FNDC3A: variants seen among roughly 807,000 people sequenced by gnomAD.
The protein encoded by FNDC3A is fibronectin type-III domain-containing protein 3A.
FNDC3A carries 32 observed loss-of-function variants against 148.9 expected under a neutral mutation model. The observed-to-expected ratio is 0.21, with a 90% CI of 0.16 to 0.29. FNDC3A has a LOEUF of 0.29. Ranked by LOEUF, FNDC3A falls within the 10% of genes least tolerant of loss-of-function variation. The pLI, the probability that FNDC3A is intolerant of heterozygous loss-of-function variation, is 1.00. For missense variants in FNDC3A, 1,191 were observed against 1,452.8 expected, an observed-to-expected ratio of 0.82 and a Z score of 2.93; for synonymous variants, 472 against 473.6, an observed-to-expected ratio of 1.00 and a Z score of 0.04.
In FNDC3A at chr13:49,174,516, G is replaced by A. The variant is rs1243942132; in HGVS notation, c.1312G>A (p.Gly438Ser). 6.2e-7 allele frequency: 1 copy of A among 1,612,394 alleles called. No individual in the cohort carries two copies. Among genetic ancestry groups the A allele is most frequent in the Non-Finnish European group, 8.5e-7 (1 of 1,178,828 alleles). Residue 438 changes from glycine to serine, a missense_variant, in exon 12 of 26, where the codon GGC (glycine) becomes AGC (serine). Gly to Ser is a moderately conservative substitution (Grantham distance 56, BLOSUM62 0). Transcript: ENST00000492622. ...AATTACTAAACTTTCACCAGCAATG[G>A]GCTGTAAATTCAGACTATCGGCCAG... The part of the protein sequence containing the change: ...FKITKLSPAM[G>S]CKFRLSARND...
At chr13:49,147,287 G>C (rs1042851054) in intron 8 of FNDC3A, among the ~76,000 whole-genome samples, 1 of 152,096 alleles carries the variant, frequency 6.6e-6, no homozygotes, top group Non-Finnish European at 1.5e-5. Context: ...GAGCACGAGG[G>C]GGGCATTAGT....
At chr13:49,069,657 AAC>A (rs1236354053) in intron 2 of FNDC3A, among the ~76,000 whole-genome samples, 2 of 152,228 alleles carry the variant, frequency 1.3e-5, no homozygotes, top group Non-Finnish European at 2.9e-5. Flanking sequence ...GTGCTCAGGT[AAC>A]AGACTAATTT....
At chr13:49,111,753 G>A (rs4530025) in intron 3 of FNDC3A, among the ~76,000 whole-genome samples, 1 of 150,970 alleles carries the variant, frequency 6.6e-6, no homozygotes, top group Non-Finnish European at 1.5e-5. Context: ...ATCTAACCAT[G>A]TACAATTTCT....
chr13:49,013,522 G>A (rs1952408280), intron 2 of FNDC3A, among the ~76,000 whole-genome samples: 1 of 151,418 alleles, frequency 6.6e-6, no homozygotes, highest in Admixed American at 6.6e-5. Flanking sequence ...ATGTACACGT[G>A]TATACATGTA....
intron 2 of FNDC3A, among the ~76,000 whole-genome samples, chr13:49,050,758 T>C (rs1875776789): frequency 1.3e-5 from 2 of 152,230 alleles, no homozygotes; most frequent in African/African-American, 4.8e-5. Context: ...TTCTCCACTA[T>C]TACTGTGTTG....
chr13:48,988,653 G>T (rs1454997805), intron 1 of FNDC3A, among the ~76,000 whole-genome samples: 1 of 151,822 alleles, frequency 6.6e-6, no homozygotes, highest in Admixed American at 6.6e-5. Flanking sequence ...ACCAGCCTGA[G>T]CAACATAGCA....
At chr13:49,029,258 A>G (rs987397629) in intron 2 of FNDC3A, among the ~76,000 whole-genome samples, 2 of 152,248 alleles carry the variant, frequency 1.3e-5, no homozygotes, top group African/African-American at 2.4e-5. Context: ...TTAGAAATCA[A>G]TAACAGAGAA....
intron 3 of FNDC3A, among the ~76,000 whole-genome samples, chr13:49,099,671 CA>C (rs1879743018): frequency 6.6e-6 from 1 of 151,954 alleles, no homozygotes; most frequent in Non-Finnish European, 1.5e-5. Context: ...AGCTCAAAAA[CA>C]AGGTCTAAAT....
intron 1 of FNDC3A, among the ~76,000 whole-genome samples, chr13:48,986,095 T>G (rs1222621969): frequency 6.6e-6 from 1 of 152,148 alleles, no homozygotes; most frequent in Non-Finnish European, 1.5e-5. Context: ...TGTGTTAAAG[T>G]GGGTTAAAGA....
chr13:48,996,955 C>T (rs544382433), intron 1 of FNDC3A, among the ~76,000 whole-genome samples: 10 of 151,760 alleles, frequency 6.6e-5, no homozygotes, highest in African/African-American at 1.9e-4. Context: ...CCCAGCTACT[C>T]GGGAGGGTGA....
intron 3 of FNDC3A, among the ~76,000 whole-genome samples, chr13:49,079,607 C>G (rs1406457704): frequency 6.6e-6 from 1 of 152,150 alleles, no homozygotes; most frequent in Non-Finnish European, 1.5e-5. Context: ...ATTGGAATTG[C>G]TAAAAAGTTG....
intron 14 of FNDC3A, among the ~76,000 whole-genome samples, chr13:49,181,508 C>T (rs556527647): frequency 3.3e-4 from 50 of 151,952 alleles, no homozygotes; most frequent in Non-Finnish European, 6.3e-4. Flanking sequence ...AACAACTGAT[C>T]TAGAGGAGGA....
At chr13:49,070,668 A>G (rs1877595862) in intron 2 of FNDC3A, among the ~76,000 whole-genome samples, 1 of 152,084 alleles carries the variant, frequency 6.6e-6, no homozygotes, top group Non-Finnish European at 1.5e-5. Flanking sequence ...TTCTAACTGT[A>G]ATTTTGTACC....
Position 49,136,512 on chromosome 13 carries a change from G to A in FNDC3A, c.671G>A (p.Gly224Glu). The part of the protein sequence containing the change: ...PINEHNGLIK[G>E]QIAGGINTGS... ...AATGAACATAATGGACTTATAAAAG[G>A]ACAAATTGCTGGTGGTATAAACACA... Residue 224 changes from glycine to glutamate, a missense_variant, in exon 6 of 26, where the codon GGA becomes GAA. Physicochemically the swap from Gly to Glu is moderately conservative, Grantham distance 98. This residue lies in a region of FNDC3A where 426 missense variants were observed against 473.2 expected (regional missense o/e 0.90). Transcript: ENST00000492622. 1 of 1,614,028 alleles carries A rather than the reference G, an allele frequency of 6.2e-7. No homozygotes were observed. Among genetic ancestry groups the A allele is most frequent in the South Asian group, 1.1e-5 (1 of 91,086 alleles).
chr13:49,183,140 A>G (rs973986041), intron 14 of FNDC3A, among the ~76,000 whole-genome samples: 2 of 151,944 alleles, frequency 1.3e-5, no homozygotes, highest in Non-Finnish European at 2.9e-5. Context: ...CAGATTAACT[A>G]CTCATCTCTC....
chr13:49,031,792 A>G (rs1481976395), intron 2 of FNDC3A, among the ~76,000 whole-genome samples: 1 of 152,182 alleles, frequency 6.6e-6, no homozygotes, highest in Non-Finnish European at 1.5e-5. Flanking sequence ...TACTTCATCA[A>G]AATTGAATAA....
chr13:49,173,636 C>A (rs970218150), intron 11 of FNDC3A, among the ~76,000 whole-genome samples: 5 of 152,038 alleles, frequency 3.3e-5, no homozygotes, highest in Admixed American at 3.3e-4. Context: ...TGGCTCGGGG[C>A]AAAACTGTCA....
intron 7 of FNDC3A, among the ~76,000 whole-genome samples, chr13:49,140,933 C>T (rs954030560): frequency 1.3e-5 from 2 of 152,074 alleles, no homozygotes; most frequent in African/African-American, 4.8e-5. Flanking sequence ...AGTGGTTGGG[C>T]ATTGAGGACA....
chr13:49,116,430 A>T (rs142763795), intron 4 of FNDC3A, among the ~76,000 whole-genome samples: 7 of 152,298 alleles, frequency 4.6e-5, no homozygotes, highest in Non-Finnish European at 7.4e-5. Flanking sequence ...TCCATGACTG[A>T]AAGAGGCAAA....
Sources: gnomAD v4.1 joint callset for allele counts (sites outside exome capture counted in the v4.1 genomes callset) on GRCh38, gnomAD v4.1.1 for gene constraint, gnomAD v4.1.1 regional missense constraint, MANE v1.5 for transcripts, NCBI Gene and HGNC (gene_info 2026-07-23, HGNC 2026-07-21) for gene names.